The following TRPM1 variants were observed in gnomAD, a reference collection of about 807,000 sequenced individuals.
TRPM1 encodes transient receptor potential cation channel subfamily M member 1.
In TRPM1, 113 loss-of-function variants were observed where a neutral mutation model predicts 149.4. The ratio of observed to expected loss-of-function variants is 0.76; its 90% CI spans 0.65 to 0.88. The LOEUF is 0.88. Among genes scored for constraint, TRPM1 ranks in the 40% least tolerant of loss-of-function variants. The pLI is 0.00. For missense variants in TRPM1, 1,976 were observed against 2,038.7 expected (o/e 0.97, Z 0.59); for synonymous variants, 741 against 759.5 (o/e 0.98, Z 0.40).
intron 21 of TRPM1, among the ~76,000 whole-genome samples, chr15:31,033,581 G>C (rs867703819): frequency 1.3e-5 from 2 of 152,292 alleles, no homozygotes; most frequent in South Asian, 4.2e-4. Flanking sequence ...CTGGGATGGA[G>C]GGTTGCCATG....
chr15:31,102,653 C>T (rs1470519483), upstream of TRPM1, among the ~76,000 whole-genome samples: 2 of 152,216 alleles, frequency 1.3e-5, no homozygotes, highest in African/African-American at 2.4e-5. Flanking sequence ...TGGGCTCACT[C>T]CCCCACCCAA....
Position 31,075,146 on chromosome 15 carries a change from A to G in TRPM1, c.83+1759T>C, listed in dbSNP as rs142443857. Among the ~76,000 whole-genome samples the G allele has an allele frequency of 2.4e-3, 359 of 152,278 alleles. 1 individual carries two copies. Among genetic ancestry groups the G allele is most frequent in the African/African-American group, 8.3e-3 (343 of 41,558 alleles). On this transcript the variant is annotated intron_variant, in intron 3 of 27. Coordinates refer to ENST00000256552, the MANE Select transcript of TRPM1 (RefSeq NM_001252024.2). The stretch of plus-strand genomic sequence containing the variant: ...TGCACTTGAGAAGAATGTGTTTTCT[A>G]TTGTTACTGGGTGGTGTGCTCTATA...
At chr15:31,132,381 C>T (rs2036028366) in intron 1 of TRPM1, among the ~76,000 whole-genome samples, 1 of 152,242 alleles carries the variant, frequency 6.6e-6, no homozygotes, top group Non-Finnish European at 1.5e-5. Context: ...CCACACATGG[C>T]TGGACATAAT....
Position 31,042,055 on chromosome 15 carries a change from C to G in TRPM1, c.1983G>C (p.Met661Ile). 6.2e-7 allele frequency: 1 copy of G among 1,614,118 alleles called. No individual in the cohort carries two copies. Among genetic ancestry groups the G allele is most frequent in the Non-Finnish European group, 8.5e-7 (1 of 1,179,956 alleles). Residue 661 changes from methionine (M) to isoleucine (I), a missense_variant, in exon 17 of 28, where the codon ATG becomes ATC. Around this residue, in one of 3 missense-constraint regions of TRPM1, gnomAD observed 1,332 missense variants for 1,347.1 expected, o/e 0.99. Transcript: ENST00000256552. ...GCTTGCAGGCCACCAGGGCCTTGGCCATGCTCTCTTCCCCTCGCTGCCAGA... is the reference window on the plus strand; with the variant it reads ...GCTTGCAGGCCACCAGGGCCTTGGCGATGCTCTCTTCCCCTCGCTGCCAGA... The part of the protein sequence containing the change: ...VFLWQRGEES[M>I]AKALVACKLY...
At chr15:31,103,077 A>G (rs1193286150), upstream of TRPM1, among the ~76,000 whole-genome samples, 1 of 152,244 alleles carries the variant, frequency 6.6e-6, no homozygotes, top group African/African-American at 2.4e-5. Context: ...AAGTGAGCTG[A>G]TGGCCGGCAC....
rs1406108383 is a variant in TRPM1 at position 31,144,030 on chromosome 15, C to T, written c.54+16876G>A. Among the ~76,000 whole-genome samples, 6 of 152,120 alleles carry T rather than the reference C, an allele frequency of 3.9e-5. No individual in the cohort carries two copies. The South Asian group carries it at 6.2e-4, about 16-fold the overall frequency. ...ATGGAATGTTAGGCTTCAAGAGTTC[C>T]GAGCCTTACAGTGAGTAAAAAGTCA... is the stretch of plus-strand genomic sequence containing the variant. On this transcript the variant is annotated intron_variant, in intron 1 of 26. Transcript: ENST00000542188.
At chr15:31,131,346 G>T (rs913609186) in intron 1 of TRPM1, among the ~76,000 whole-genome samples, 1 of 152,132 alleles carries the variant, frequency 6.6e-6, no homozygotes, top group Non-Finnish European at 1.5e-5. Flanking sequence ...TCAGTGAAAA[G>T]GTGAAAGTCC....
intron 1 of TRPM1, among the ~76,000 whole-genome samples, chr15:31,110,887 T>TTC (rs143831204): frequency 8.1e-5 from 12 of 148,852 alleles, no homozygotes; most frequent in Non-Finnish European, 1.0e-4. Context: ...TTCTTTCTCT[T>TTC]TCTCTCTCTC....
chr15:31,123,740 A>T (rs1204993811), intron 1 of TRPM1, among the ~76,000 whole-genome samples: 2 of 152,224 alleles, frequency 1.3e-5, no homozygotes, highest in African/African-American at 4.8e-5. Flanking sequence ...AAACTGATTC[A>T]TTGCTGGTTG....
intron 1 of TRPM1, among the ~76,000 whole-genome samples, chr15:31,126,574 A>G (rs961125993): frequency 6.6e-6 from 1 of 152,134 alleles, no homozygotes; most frequent in Admixed American, 6.5e-5. Context: ...AGCTGGGAGG[A>G]TGGAGCTGAT....
intron 27 of TRPM1, among the ~76,000 whole-genome samples, chr15:31,020,400 C>T (rs984439491): frequency 4.6e-5 from 7 of 152,258 alleles, no homozygotes; most frequent in African/African-American, 1.7e-4. Context: ...CGCATGGCCT[C>T]CTTCAGCATC....
At chr15:31,149,327 G>T (rs2036262438) in intron 1 of TRPM1, among the ~76,000 whole-genome samples, 2 of 152,146 alleles carry the variant, frequency 1.3e-5, no homozygotes, top group South Asian at 4.1e-4. Context: ...TTAGCTGAGG[G>T]GGGCGGGTGT....
chr15:31,003,013 T>C lies in TRPM1; in HGVS notation c.3687A>G (p.Lys1229=). The C allele has an allele frequency of 6.3e-7, 1 of 1,596,280 alleles. No homozygotes were observed. The highest frequency in any genetic ancestry group is 8.5e-7 in the Non-Finnish European group (1 of 1,174,616). ...GAAGGTCAACAGTCTGCAGGGAAGT[T>C]TTCATAAAAGTTTCTCTTTCATTGA... ...EEINERETFM[K]TSLQTVDLRL... Residue 1229 remains lysine, a synonymous_variant, in exon 28 of 28, where the codon AAA becomes AAG. Transcript: ENST00000256552.
At chr15:31,120,467 C>G (rs1382128051) in intron 1 of TRPM1, among the ~76,000 whole-genome samples, 1 of 152,158 alleles carries the variant, frequency 6.6e-6, no homozygotes, top group Non-Finnish European at 1.5e-5. Context: ...GACTCCAAAA[C>G]ACATCTATCA....
upstream of TRPM1, among the ~76,000 whole-genome samples, chr15:31,106,398 G>A (rs8024324): frequency 0.68 from 103,852 of 151,738 alleles, 35,770 homozygotes; most frequent in African/African-American, 0.76. Flanking sequence ...GGCTGCCCAA[G>A]GTGCTGGGAT....
At chr15:31,064,628 C>T (rs3784596) in intron 7 of TRPM1, among the ~76,000 whole-genome samples, 6 of 152,020 alleles carry the variant, frequency 3.9e-5, no homozygotes, top group Non-Finnish European at 5.9e-5. Flanking sequence ...GTGGAAGTAT[C>T]GTTGGTCTCA....
At chr15:31,007,051 C>A (rs1389550107) in intron 27 of TRPM1, among the ~76,000 whole-genome samples, 1 of 152,048 alleles carries the variant, frequency 6.6e-6, no homozygotes, top group East Asian at 1.9e-4. Flanking sequence ...CATGATTATG[C>A]TTTTGGTGTT....
upstream of TRPM1, among the ~76,000 whole-genome samples, chr15:31,105,217 C>T (rs183183092): frequency 2.9e-4 from 44 of 152,310 alleles, no homozygotes; most frequent in African/African-American, 1.0e-3. Flanking sequence ...ATCCTTCTGA[C>T]GCCACCCCAG....
At chr15:31,051,287 C>T (rs147702929) in intron 11 of TRPM1, among the ~76,000 whole-genome samples, 52 of 152,290 alleles carry the variant, frequency 3.4e-4, no homozygotes, top group African/African-American at 1.1e-3. Context: ...CCTAAACAAC[C>T]GGACCCTCCA....
Sources: gnomAD v4.1 joint callset for allele counts (sites outside exome capture counted in the v4.1 genomes callset) on GRCh38, gnomAD v4.1.1 for gene constraint, gnomAD v4.1.1 regional missense constraint, MANE v1.5 for transcripts, NCBI Gene and HGNC (gene_info 2026-07-23, HGNC 2026-07-21) for gene names.